The following JAZF1 variants were observed in gnomAD, a reference collection of about 807,000 sequenced individuals.
The protein encoded by JAZF1 is JAZF zinc finger 1.
Under a neutral mutation model 26.4 loss-of-function variants are expected in JAZF1, and 8 were observed. That is an observed-to-expected ratio of 0.30 (90% CI 0.18 to 0.55). JAZF1 has a LOEUF of 0.55. Among genes scored for constraint, JAZF1 ranks in the 20% least tolerant of loss-of-function variants. JAZF1 has a pLI of 0.94. For missense variants in JAZF1, 199 were observed against 322.0 expected (o/e 0.62, Z 2.92); for synonymous variants, 126 against 122.3 (o/e 1.03, Z -0.20).
intron 4 of JAZF1, among the ~76,000 whole-genome samples, chr7:27,838,185 CAT>C (rs1450383481): frequency 2.0e-5 from 3 of 152,110 alleles, no homozygotes; most frequent in Non-Finnish European, 2.9e-5. Context: ...ATGAAATACA[CAT>C]GTTGATAAAC....
chr7:28,076,604 A>G (rs992359486), intron 1 of JAZF1, among the ~76,000 whole-genome samples: 1 of 152,066 alleles, frequency 6.6e-6, no homozygotes, highest in African/African-American at 2.4e-5. Context: ...CTGCACCAAC[A>G]TGAGAACGAA....
rs1554328474 is a variant in JAZF1, at chr7:27,845,711, A to AAAAAAAAAAAAG, written c.386-4845_386-4844insCTTTTTTTTTTT. On this transcript the variant is annotated intron_variant, in intron 3 of 4. Coordinates refer to ENST00000283928, the MANE Select transcript of JAZF1 (RefSeq NM_175061.4). ...GACTCTGCCTCAAAAAAAAAAAAAA[A>AAAAAAAAAAAAG]AAAGAAAAGAAAAAGAAAAAGAAAT... Among the ~76,000 whole-genome samples the AAAAAAAAAAAAG allele has an allele frequency of 4.4e-4, 61 of 137,696 alleles. 2 individuals carry two copies. The highest frequency in any genetic ancestry group is 1.4e-3 in the African/African-American group (50 of 35,466). The allele number at this position is 137,696 out of a possible 152,430, so 90.3% of individuals were successfully genotyped here. A position where few individuals can be genotyped will look rare whatever the true frequency, so the allele number is the denominator to read the frequency against.
At chr7:27,989,966 T>C (rs1430713915) in intron 2 of JAZF1, among the ~76,000 whole-genome samples, 4 of 152,210 alleles carry the variant, frequency 2.6e-5, no homozygotes, top group Non-Finnish European at 5.9e-5. Context: ...ATCATGCTGC[T>C]ATAAAGACAC....
At chr7:28,077,135 T>C (rs1784064264) in intron 1 of JAZF1, among the ~76,000 whole-genome samples, 1 of 152,226 alleles carries the variant, frequency 6.6e-6, no homozygotes, top group Admixed American at 6.5e-5. Flanking sequence ...TGAAAAATTA[T>C]AACACCGGCA....
intron 2 of JAZF1, among the ~76,000 whole-genome samples, chr7:27,964,983 A>G (rs1293181671): frequency 6.6e-6 from 1 of 152,156 alleles, no homozygotes; most frequent in African/African-American, 2.4e-5. Flanking sequence ...TTTTTCTAAC[A>G]TTATCAGCAT....
At chr7:27,890,705 T>C (rs1308775605) in intron 3 of JAZF1, among the ~76,000 whole-genome samples, 1 of 151,620 alleles carries the variant, frequency 6.6e-6, no homozygotes, top group Non-Finnish European at 1.5e-5. Context: ...ACATAAAGAA[T>C]ACAGTAAGCA....
In JAZF1 at chr7:28,138,110, T is replaced by C. The variant is rs1057209762; in HGVS notation, c.115+42353A>G. Among the ~76,000 whole-genome samples the C allele has an allele frequency of 3.9e-5, 6 of 152,292 alleles. No individual in the cohort carries two copies. The East Asian group carries it at 9.7e-4, about 25-fold the overall frequency. On this transcript the variant is annotated intron_variant, in intron 1 of 4. Coordinates refer to ENST00000283928, the MANE Select transcript of JAZF1 (RefSeq NM_175061.4). ...AAAAGAGATCCATGTTCCAGAACCATACCTACTACCTGCTATGAAACAAGC... is the reference window on the plus strand; with the variant it reads ...AAAAGAGATCCATGTTCCAGAACCACACCTACTACCTGCTATGAAACAAGC...
intron 3 of JAZF1, among the ~76,000 whole-genome samples, chr7:27,868,521 G>A (rs1783521686): frequency 6.6e-6 from 1 of 152,164 alleles, no homozygotes; most frequent in Non-Finnish European, 1.5e-5. Context: ...TGGCTGGTCG[G>A]CTCCCCAGCT....
chr7:28,124,082 C>T (rs1484461515), intron 1 of JAZF1, among the ~76,000 whole-genome samples: 2 of 152,132 alleles, frequency 1.3e-5, no homozygotes, highest in African/African-American at 4.8e-5. Flanking sequence ...CCCCCAGTGC[C>T]TCGGAAAGTA....
chr7:27,879,914 G>A (rs1234591760), intron 3 of JAZF1, among the ~76,000 whole-genome samples: 1 of 152,140 alleles, frequency 6.6e-6, no homozygotes, highest in African/African-American at 2.4e-5. Flanking sequence ...GAGGCAAAAT[G>A]TACTGAGAAC....
intron 2 of JAZF1, among the ~76,000 whole-genome samples, chr7:27,962,508 C>T (rs554714511): frequency 6.3e-4 from 96 of 152,220 alleles, no homozygotes; most frequent in African/African-American, 2.2e-3. Context: ...TCATGCTAAT[C>T]CTGGAATCTC....
In JAZF1 at chr7:28,037,784, A is replaced by G. The variant is rs190630542; in HGVS notation, c.116-45803T>C. Among the ~76,000 whole-genome samples, 81 of 152,286 alleles carry G rather than the reference A, an allele frequency of 5.3e-4. 2 individuals carry two copies. The East Asian group carries it at 0.015, about 29-fold the overall frequency. ...AAAGGTTCCTTATTCAAATCTTATT[A>G]ATGAATTCCAGACACCCAGGACACC... On this transcript the variant is annotated intron_variant, in intron 1 of 4. Coordinates refer to ENST00000283928, the MANE Select transcript of JAZF1 (RefSeq NM_175061.4).
At chr7:28,006,360 C>T (rs1782700200) in intron 1 of JAZF1, among the ~76,000 whole-genome samples, 1 of 151,958 alleles carries the variant, frequency 6.6e-6, no homozygotes, top group Non-Finnish European at 1.5e-5. Flanking sequence ...CAGAGCAAGA[C>T]TGTGTCTCAA....
chr7:27,891,108 A>T (rs1440356419), intron 3 of JAZF1, among the ~76,000 whole-genome samples: 9 of 152,158 alleles, frequency 5.9e-5, no homozygotes, highest in Non-Finnish European at 1.5e-5. Context: ...TACTTTTAAA[A>T]GGAGAAGGGT....
At position 27,852,280 on chromosome 7, in the gene JAZF1, C is replaced by T. The variant is rs537986960; in HGVS notation, c.386-11413G>A. Among the ~76,000 whole-genome samples the T allele has an allele frequency of 3.9e-4, 59 of 152,006 alleles. No homozygotes were observed. In the South Asian group the frequency reaches 4.0e-3, roughly 10 times the overall value. Reference sequence around the variant, plus strand: ...TTGAGTAGCTGGGATTACAGACGTGCGCCCCAACACCTGGCTAATTTTTTT... The same window carrying T: ...TTGAGTAGCTGGGATTACAGACGTGTGCCCCAACACCTGGCTAATTTTTTT... On this transcript the variant is annotated intron_variant, in intron 3 of 4. Transcript: ENST00000283928.
intron 1 of JAZF1, among the ~76,000 whole-genome samples, chr7:28,172,712 G>A (rs57168457): frequency 0.074 from 11,286 of 152,050 alleles, 1,075 homozygotes; most frequent in East Asian, 0.22. Flanking sequence ...CATGGTACCC[G>A]TTAACACTGC....
chr7:28,178,918 T>A (rs552527384), intron 1 of JAZF1, among the ~76,000 whole-genome samples: 1 of 152,356 alleles, frequency 6.6e-6, no homozygotes, highest in South Asian at 2.1e-4. Flanking sequence ...TTCCCATGAT[T>A]ATCTCCTATT....
intron 1 of JAZF1, among the ~76,000 whole-genome samples, chr7:28,179,802 G>A (rs1214197341): frequency 2.1e-5 from 3 of 142,812 alleles, no homozygotes; most frequent in Non-Finnish European, 4.6e-5. Context: ...GCGGCCGCCG[G>A]CCCCGGCCCC....
chr7:27,859,948 A>G (rs56369958), intron 3 of JAZF1, among the ~76,000 whole-genome samples: 1,951 of 152,370 alleles, frequency 0.013, 39 homozygotes, highest in African/African-American at 0.041. Flanking sequence ...ACAGTAAATG[A>G]TGATGTGCAA....
Sources: gnomAD v4.1 joint callset for allele counts (sites outside exome capture counted in the v4.1 genomes callset) on GRCh38, gnomAD v4.1.1 for gene constraint, MANE v1.5 for transcripts, NCBI Gene and HGNC (gene_info 2026-07-23, HGNC 2026-07-21) for gene names.